The following CPEB1 variants were observed in gnomAD, a reference collection of about 807,000 sequenced individuals.
CPEB1 encodes the protein cytoplasmic polyadenylation element binding protein 1.
Under a neutral mutation model 65.8 loss-of-function variants are expected in CPEB1, and 7 were observed. That is an observed-to-expected ratio of 0.11 (90% CI 0.06 to 0.20). The LOEUF (loss-of-function observed/expected upper bound fraction) is 0.20. CPEB1 is among the 10% of genes least tolerant of loss of function. The pLI is 1.00. For missense variants in CPEB1, 551 were observed against 712.2 expected (o/e 0.77, Z 2.58); for synonymous variants, 262 against 260.0 (o/e 1.01, Z -0.08).
rs568807524 is a variant in CPEB1, at chr15:82,611,810, G to GA, written c.271+15382dup. Among the ~76,000 whole-genome samples the GA allele has an allele frequency of 2.0e-4, 30 of 146,468 alleles. 1 individual carries two copies. In the South Asian group the frequency reaches 2.9e-3, roughly 14 times the overall value. On this transcript the variant is annotated intron_variant, in intron 3 of 12. Transcript: ENST00000684509. ...AAATCAAACCCAAAGAAAACAATAG[G>GA]AAAAAAAATAAATGACACATAAAAG...
At chr15:82,624,330 G>C (rs989924784) in intron 3 of CPEB1, among the ~76,000 whole-genome samples, 1 of 152,138 alleles carries the variant, frequency 6.6e-6, no homozygotes, top group African/African-American at 2.4e-5. Context: ...AATTCCTTGA[G>C]TTCCCTTAAA....
Position 82,614,848 on chromosome 15 carries a change from AGTGTGT to A in CPEB1, c.271+12339_271+12344del, listed in dbSNP as rs752486940. Among the ~76,000 whole-genome samples the A allele has an allele frequency of 2.2e-3, 318 of 143,996 alleles. 1 individual carries two copies. Among genetic ancestry groups the A allele is most frequent in the African/African-American group, 7.2e-3 (283 of 39,380 alleles). The allele number at this position is 143,996 out of a possible 152,430, so 94.5% of individuals were successfully genotyped here. ...ACCTAGTTCAACTCTTTAAAATATAAGTGTGTGTGTGTGTGTGTGTGTGTGTGTGTG... is the reference window on the plus strand; with the variant it reads ...ACCTAGTTCAACTCTTTAAAATATAAGTGTGTGTGTGTGTGTGTGTGTGTG... On this transcript the variant is annotated intron_variant, in intron 3 of 12. Transcript: ENST00000684509.
intron 3 of CPEB1, among the ~76,000 whole-genome samples, chr15:82,622,713 A>G (rs992778421): frequency 2.6e-5 from 4 of 152,070 alleles, no homozygotes; most frequent in African/African-American, 9.7e-5. Flanking sequence ...TTCTTCATTA[A>G]TTTCTATTCA....
At chr15:82,598,062 C>T (rs908392458) in intron 3 of CPEB1, among the ~76,000 whole-genome samples, 26 of 152,344 alleles carry the variant, frequency 1.7e-4, no homozygotes, top group African/African-American at 6.3e-4. Flanking sequence ...CATGATGAGA[C>T]TACATATCCA....
chr15:82,593,143 T>G (rs1190980892), intron 3 of CPEB1, among the ~76,000 whole-genome samples: 1 of 152,224 alleles, frequency 6.6e-6, no homozygotes, highest in East Asian at 1.9e-4. Flanking sequence ...GGCAATTTCT[T>G]AAGACAACCA....
upstream of CPEB1, chr15:82,647,496 T>C (rs890777447): frequency 6.9e-5 from 14 of 202,514 alleles, no homozygotes; most frequent in African/African-American, 3.0e-4. Context: ...GACGGCAGTG[T>C]GAGAAAGAAA....
chr15:82,580,201 G>C (rs558361052), intron 3 of CPEB1, among the ~76,000 whole-genome samples: 2 of 151,520 alleles, frequency 1.3e-5, no homozygotes, highest in African/African-American at 4.8e-5. Flanking sequence ...CGTGCCTGTA[G>C]TCCCAGTTGC....
chr15:82,555,377 G>A (rs1318605478), intron 6 of CPEB1, among the ~76,000 whole-genome samples: 6 of 152,140 alleles, frequency 3.9e-5, no homozygotes, highest in Non-Finnish European at 5.9e-5. Context: ...CACTTTAGAG[G>A]TTGACAAATG....
chr15:82,567,710 C>CA (rs1245714635), intron 4 of CPEB1, among the ~76,000 whole-genome samples: 1 of 152,142 alleles, frequency 6.6e-6, no homozygotes, highest in South Asian at 2.1e-4. Flanking sequence ...AGGGGAGTGG[C>CA]AAAAAACAGA....
chr15:82,607,270 C>A (rs2043705894), intron 3 of CPEB1, among the ~76,000 whole-genome samples: 2 of 152,230 alleles, frequency 1.3e-5, no homozygotes, highest in African/African-American at 4.8e-5. Flanking sequence ...TACTGCACAA[C>A]AGGAGATACA....
intron 3 of CPEB1, among the ~76,000 whole-genome samples, chr15:82,591,457 G>A (rs1453562722): frequency 6.6e-6 from 1 of 152,058 alleles, no homozygotes; most frequent in East Asian, 1.9e-4. Flanking sequence ...GTAGAGACAG[G>A]GCTTCACTAT....
intron 3 of CPEB1, among the ~76,000 whole-genome samples, chr15:82,624,463 A>C (rs2045581944): frequency 6.6e-6 from 1 of 152,198 alleles, no homozygotes. Context: ...GGTCAAGCTT[A>C]GAACCCAGGT....
At chr15:82,599,262 C>T (rs1456542289) in intron 3 of CPEB1, among the ~76,000 whole-genome samples, 1 of 152,138 alleles carries the variant, frequency 6.6e-6, no homozygotes, top group African/African-American at 2.4e-5. Flanking sequence ...GGACACGTTC[C>T]TAGGCTCTTC....
At chr15:82,564,294 GT>G (rs113168843) in intron 4 of CPEB1, among the ~76,000 whole-genome samples, 28,080 of 150,628 alleles carry the variant, frequency 0.19, 2,750 homozygotes, top group East Asian at 0.33. Flanking sequence ...TTTTTGTTTT[GT>G]TTTTTTTTGA....
rs569513524 is a variant in CPEB1, at chr15:82,575,541, T to C, written c.272-4009A>G. ...GAAAATAATTACGCAAGCCACAATA[T>C]GTGAGAAAATACCCACAACCATATC... On this transcript the variant is annotated intron_variant, in intron 3 of 12. Transcript: ENST00000684509. Among the ~76,000 whole-genome samples, 6 of 152,280 alleles carry C rather than the reference T, an allele frequency of 3.9e-5. No individual in the cohort carries two copies. The South Asian group carries it at 1.2e-3, about 32-fold the overall frequency.
rs187385765 is a variant in CPEB1 at position 82,640,127 on chromosome 15, T to C, written c.-98+7010A>G. The stretch of plus-strand genomic sequence containing the variant: ...TCAATCATCTAATTTAGGCACTGTC[T>C]TGGGGGACCAGACATAACAGGCGTT... On this transcript the variant is annotated intron_variant, in intron 1 of 12. Transcript: ENST00000684509. Among the ~76,000 whole-genome samples the C allele has an allele frequency of 2.4e-3, 364 of 152,256 alleles. 2 individuals are homozygous for C. Among genetic ancestry groups the C allele is most frequent in the Middle Eastern group, 3.4e-3 (1 of 294 alleles).
chr15:82,596,560 T>C (rs528861760), intron 3 of CPEB1, among the ~76,000 whole-genome samples: 93 of 152,028 alleles, frequency 6.1e-4, no homozygotes, highest in African/African-American at 2.1e-3. Context: ...TAGCTGGGCA[T>C]GGTGGCTCAC....
chr15:82,617,757 G>A (rs1483601224), intron 3 of CPEB1, among the ~76,000 whole-genome samples: 11 of 103,738 alleles, frequency 1.1e-4, no homozygotes, highest in Admixed American at 2.7e-4. Context: ...TTTTTGAGAC[G>A]GAGTCTCGCT....
intron 3 of CPEB1, among the ~76,000 whole-genome samples, chr15:82,590,209 CAAAA>C (rs5814120): frequency 2.7e-3 from 284 of 103,920 alleles, no homozygotes; most frequent in African/African-American, 8.5e-3. Context: ...ATCCCTTTGA[CAAAA>C]AAAAAAAAAA....
Sources: allele counts gnomAD v4.1 joint callset (sites outside exome capture counted in the v4.1 genomes callset), GRCh38; gene constraint gnomAD v4.1.1; transcripts MANE v1.5; gene names NCBI Gene and HGNC (gene_info 2026-07-23, HGNC 2026-07-21).